PCDH15: variants seen among roughly 807,000 people sequenced by gnomAD.
The protein encoded by PCDH15 is protocadherin-15.
Under a neutral mutation model 178.5 loss-of-function variants are expected in PCDH15, and 129 were observed. That is an observed-to-expected ratio of 0.72 (90% CI 0.63 to 0.84). PCDH15 has a LOEUF of 0.84. Among genes scored for constraint, PCDH15 ranks in the 40% least tolerant of loss-of-function variants. The probability of loss-of-function intolerance (pLI) is 0.00; values close to 1 mark genes in which losing one functional copy is unlikely to be tolerated. For missense variants in PCDH15, 2,230 were observed against 2,099.9 expected (o/e 1.06, Z -1.21); for synonymous variants, 800 against 732.0 (o/e 1.09, Z -1.50).
chr10:55,337,365 T>A (rs1016407847), intron 2 of PCDH15, among the ~76,000 whole-genome samples: 2 of 152,120 alleles, frequency 1.3e-5, no homozygotes, highest in African/African-American at 4.8e-5. Context: ...GTCGAGAATA[T>A]AAAAATGCAT....
intron 2 of PCDH15, among the ~76,000 whole-genome samples, chr10:55,444,266 C>T (rs908643462): frequency 7.4e-5 from 10 of 135,874 alleles, no homozygotes; most frequent in African/African-American, 2.9e-4. Flanking sequence ...ACATGTACCC[C>T]AGAAAGTAAA....
chr10:54,696,692 A>C (rs1399667504), intron 1 of PCDH15, among the ~76,000 whole-genome samples: 2 of 151,302 alleles, frequency 1.3e-5, no homozygotes, highest in East Asian at 1.9e-4. Flanking sequence ...GAAAAAAAAA[A>C]CCGCCCTATT....
At chr10:54,151,388 T>G (rs537851615) in intron 14 of PCDH15, among the ~76,000 whole-genome samples, 1 of 151,922 alleles carries the variant, frequency 6.6e-6, no homozygotes, top group Non-Finnish European at 1.5e-5. Context: ...AAATTTGTTT[T>G]TAATTAGCTA....
intron 1 of PCDH15, among the ~76,000 whole-genome samples, chr10:54,729,421 A>T (rs750574549): frequency 1.3e-5 from 2 of 151,642 alleles, no homozygotes. Context: ...AATGGATTTA[A>T]GACTTAAATG....
intron 21 of PCDH15, among the ~76,000 whole-genome samples, chr10:53,975,058 T>G (rs2090074025): frequency 6.6e-6 from 1 of 152,210 alleles, no homozygotes; most frequent in African/African-American, 2.4e-5. Flanking sequence ...CCTGCATTAA[T>G]TCACTTGGTA....
At chr10:55,184,523 A>C (rs977881720) in intron 1 of PCDH15, among the ~76,000 whole-genome samples, 1 of 152,160 alleles carries the variant, frequency 6.6e-6, no homozygotes. Flanking sequence ...GTTGATGAAT[A>C]ATATGTTACT....
intron 1 of PCDH15, among the ~76,000 whole-genome samples, chr10:55,248,649 G>A (rs779186224): frequency 1.3e-5 from 2 of 152,056 alleles, no homozygotes; most frequent in African/African-American, 4.8e-5. Context: ...CAACCTCCAC[G>A]TAGTTCTAGT....
intron 14 of PCDH15, among the ~76,000 whole-genome samples, chr10:54,147,053 C>T: frequency 6.9e-6 from 1 of 144,522 alleles, no homozygotes; most frequent in African/African-American, 2.5e-5. Context: ...TATATTTGTT[C>T]ATAATCTTTA....
At chr10:54,186,673 T>C (rs1443874815) in intron 11 of PCDH15, among the ~76,000 whole-genome samples, 1 of 151,968 alleles carries the variant, frequency 6.6e-6, no homozygotes, top group Non-Finnish European at 1.5e-5. Context: ...GGCGTATTTA[T>C]TATAAAATGA....
chr10:54,921,163 T>A (rs1837477281), intron 2 of PCDH15, among the ~76,000 whole-genome samples: 1 of 152,186 alleles, frequency 6.6e-6, no homozygotes, highest in Non-Finnish European at 1.5e-5. Flanking sequence ...TTCTTGCATC[T>A]TACCAATCTC....
rs375530884 is a variant in PCDH15 at position 53,822,703 on chromosome 10, G to C, written c.4368-2473C>G. On this transcript the variant is annotated intron_variant, in intron 32 of 37. Transcript: ENST00000644397. ...AGTTCCACAGTTCTTGAAACAGTTG[G>C]CAAAGTGGAGAATGAGAAGTGAGGC... 1 of 1,613,936 alleles carries C rather than the reference G, an allele frequency of 6.2e-7. No individual in the cohort carries two copies. The highest frequency in any genetic ancestry group is 1.3e-5 in the African/African-American group (1 of 74,892).
intron 10 of PCDH15, among the ~76,000 whole-genome samples, chr10:54,205,743 T>G (rs1484153575): frequency 6.6e-6 from 1 of 152,054 alleles, no homozygotes; most frequent in East Asian, 1.9e-4. Flanking sequence ...TATTCAAAAT[T>G]TAATACTCTA....
intron 2 of PCDH15, among the ~76,000 whole-genome samples, chr10:55,130,693 G>A (rs1319634411): frequency 5.4e-5 from 8 of 146,946 alleles, no homozygotes; most frequent in African/African-American, 1.8e-4. Flanking sequence ...GTGTGTGTGT[G>A]TGTGTGTGTG....
chr10:53,827,951 T>C (rs1464419749), intron 31 of PCDH15, among the ~76,000 whole-genome samples: 1 of 152,082 alleles, frequency 6.6e-6, no homozygotes, highest in Non-Finnish European at 1.5e-5. Context: ...TTAAAGTTAT[T>C]TGAAATGATT....
At chr10:54,174,072 T>C (rs1042798063) in intron 13 of PCDH15, among the ~76,000 whole-genome samples, 6 of 152,212 alleles carry the variant, frequency 3.9e-5, no homozygotes, top group Non-Finnish European at 5.9e-5. Context: ...TTCATTTTTA[T>C]AGCAGTAGAA....
At chr10:54,401,181 G>A (rs906917337) in intron 3 of PCDH15, among the ~76,000 whole-genome samples, 3 of 151,848 alleles carry the variant, frequency 2.0e-5, no homozygotes, top group African/African-American at 7.2e-5. Flanking sequence ...CTAAAACCTG[G>A]CTTTGTCTAA....
chr10:54,234,132 C>CTGTGTGTGTGTG (rs35466519), intron 9 of PCDH15, among the ~76,000 whole-genome samples: 245 of 138,544 alleles, frequency 1.8e-3, no homozygotes, highest in Admixed American at 2.7e-3. Flanking sequence ...ATATCCCCTT[C>CTGTGTGTGTGTG]TGTGTGTGTG....
At chr10:54,478,754 T>C (rs1168623941) in intron 3 of PCDH15, among the ~76,000 whole-genome samples, 1 of 152,100 alleles carries the variant, frequency 6.6e-6, no homozygotes, top group Non-Finnish European at 1.5e-5. Flanking sequence ...ATTTTCCTTT[T>C]TCGCGTATGT....
chr10:53,878,510 ACGTG>A (rs1400333044), intron 26 of PCDH15, among the ~76,000 whole-genome samples: 3 of 124,618 alleles, frequency 2.4e-5, no homozygotes, highest in Admixed American at 1.6e-4. Context: ...TTATATATAT[ACGTG>A]TGTGTGTGTA....
Sources: allele counts gnomAD v4.1 joint callset (sites outside exome capture counted in the v4.1 genomes callset), GRCh38; gene constraint gnomAD v4.1.1; transcripts MANE v1.5; gene names NCBI Gene and HGNC (gene_info 2026-07-23, HGNC 2026-07-21).